The following TRIM5 variants were observed in gnomAD, a reference collection of about 807,000 sequenced individuals.
TRIM5 encodes the protein tripartite motif containing 5.
A neutral mutation model predicts 35.6 loss-of-function variants in TRIM5; 31 were observed. That is an observed-to-expected ratio of 0.87 (90% CI 0.65 to 1.18). TRIM5 has a LOEUF of 1.18. Ranked by LOEUF, TRIM5 falls within the 50% of genes most tolerant of loss-of-function variation. The pLI is 0.00. For missense variants in TRIM5, 609 were observed against 591.6 expected (o/e 1.03, Z -0.31); for synonymous variants, 243 against 215.6 (o/e 1.13, Z -1.11).
chr11:5,612,744 A>G, the TRIM5 span: 1 of 152,206 alleles, frequency 6.6e-6, no homozygotes. Flanking sequence ...GCTGTCCCAT[A>G]TGGTATCCAG....
chr11:5,650,640 C>T, the TRIM5 span, among the ~76,000 whole-genome samples: 1 of 152,158 alleles, frequency 6.6e-6, no homozygotes, highest in Non-Finnish European at 1.5e-5. Context: ...TGTTTTAGGG[C>T]CTGCTTATGG....
the TRIM5 span, among the ~76,000 whole-genome samples, chr11:5,614,152 A>G: frequency 1.3e-5 from 2 of 152,228 alleles, no homozygotes; most frequent in Non-Finnish European, 2.9e-5. Context: ...CTCAACTACT[A>G]TGAAAAAGAA....
the TRIM5 span, chr11:5,642,642 A>G: frequency 7.2e-7 from 1 of 1,390,002 alleles, no homozygotes; most frequent in Non-Finnish European, 9.7e-7. Flanking sequence ...TCTGTGGTGA[A>G]GAGGATGCAT....
chr11:5,676,635 G>T (rs557501384), intron 4 of TRIM5, among the ~76,000 whole-genome samples: 3 of 150,656 alleles, frequency 2.0e-5, no homozygotes, highest in Admixed American at 6.6e-5. Context: ...AAAAGAGCCC[G>T]CATCACCAAG....
rs1850986961 is a variant in TRIM5, at chr11:5,664,643, T to C, written c.*166A>G. The C allele has an allele frequency of 3.6e-6, 5 of 1,372,080 alleles. No homozygotes were observed. In the South Asian group the frequency reaches 6.1e-5, roughly 17 times the overall value. The allele number at this position is 1,372,080 out of a possible 1,614,324, so 85.0% of individuals were successfully genotyped here. On this transcript the variant is annotated 3_prime_UTR_variant, in exon 8 of 8. Coordinates refer to ENST00000380034, the MANE Select transcript of TRIM5 (RefSeq NM_033034.3). ...TGTCAATAAAATATTGGGGACAATATGGCACAAGGCAATTATTACATTTTA... is the reference window on the plus strand; with the variant it reads ...TGTCAATAAAATATTGGGGACAATACGGCACAAGGCAATTATTACATTTTA...
At chr11:5,630,852 T>C in the TRIM5 span, among the ~76,000 whole-genome samples, 1 of 152,240 alleles carries the variant, frequency 6.6e-6, no homozygotes, top group African/African-American at 2.4e-5. Flanking sequence ...ATACCATCTG[T>C]TCATTACTCA....
At chr11:5,639,706 AAG>A in the TRIM5 span, among the ~76,000 whole-genome samples, 4 of 144,254 alleles carry the variant, frequency 2.8e-5, no homozygotes, top group African/African-American at 1.1e-4. Context: ...AAAAAAAAAA[AAG>A]ATTGGAAGAG....
chr11:5,644,038 G>A, the TRIM5 span: 1 of 434,792 alleles, frequency 2.3e-6, no homozygotes, highest in South Asian at 8.6e-5. Flanking sequence ...ATGCTACCTA[G>A]GTAGTCCATA....
At chr11:5,657,633 ATATAT>A in the TRIM5 span, among the ~76,000 whole-genome samples, 2 of 124,800 alleles carry the variant, frequency 1.6e-5, no homozygotes, top group East Asian at 4.3e-4. Flanking sequence ...AATGCATTAT[ATATAT>A]TATTTATATA....
chr11:5,665,961 G>T lies in TRIM5; in HGVS notation c.868+20C>A. Reference sequence around the variant, plus strand: ...ACCACTTGAATTCCATAACCCTGTTGTTGATCTAGCTCTCCTCACCTCTAA... The same window carrying T: ...ACCACTTGAATTCCATAACCCTGTTTTTGATCTAGCTCTCCTCACCTCTAA... On this transcript the variant is annotated intron_variant, in intron 6 of 7. Coordinates refer to ENST00000380034, the MANE Select transcript of TRIM5 (RefSeq NM_033034.3). The T allele has an allele frequency of 6.3e-7, 1 of 1,592,392 alleles. No individual in the cohort carries two copies. The highest frequency in any genetic ancestry group is 8.5e-7 in the Non-Finnish European group (1 of 1,171,070).
At chr11:5,622,702 C>T in the TRIM5 span, among the ~76,000 whole-genome samples, 1 of 152,170 alleles carries the variant, frequency 6.6e-6, no homozygotes, top group African/African-American at 2.4e-5. Context: ...GTCATCCACA[C>T]AGAACTGATG....
chr11:5,671,035 G>A (rs1174902185), intron 4 of TRIM5, among the ~76,000 whole-genome samples: 1 of 152,052 alleles, frequency 6.6e-6, no homozygotes, highest in Non-Finnish European at 1.5e-5. Flanking sequence ...AGACCAGCCT[G>A]GGCAACATGG....
At chr11:5,622,840 G>T in the TRIM5 span, among the ~76,000 whole-genome samples, 2 of 152,166 alleles carry the variant, frequency 1.3e-5, no homozygotes, top group African/African-American at 4.8e-5. Context: ...CAAGGTTAAG[G>T]ATGCACCCAT....
rs760322428 is a variant in TRIM5 at position 5,679,088 on chromosome 11, T to A, written c.499A>T (p.Lys167Ter). 18 of 1,613,918 alleles carry A rather than the reference T, an allele frequency of 1.1e-5. No homozygotes were observed. The Middle Eastern group carries it at 8.2e-4, about 74-fold the overall frequency. ...EELEADIREE[K>*]ASWKTQIQYD... is the part of the protein sequence containing the mutation. ...CATCCTCTTGCCTTCCAGGAAGCTT[T>A]CTCTTCTCTGATGTCAGCTTCTAAC... is the stretch of plus-strand genomic sequence containing the variant. The change falls in exon 3 of 8, where the codon AAA (lysine) becomes TAA (stop). Residue 167 changes from lysine to a stop codon, truncating the protein, a stop_gained. Transcript: ENST00000380034. LOFTEE classifies it high-confidence loss of function.
downstream of TRIM5, among the ~76,000 whole-genome samples, chr11:5,661,044 A>T: frequency 1.6e-4 from 1 of 6,298 alleles, no homozygotes; most frequent in East Asian, 5.5e-3. Context: ...TCCGTCTCAA[A>T]AAAAAAAAAA....
At chr11:5,631,738 C>A in the TRIM5 span, among the ~76,000 whole-genome samples, 1 of 152,122 alleles carries the variant, frequency 6.6e-6, no homozygotes, top group African/African-American at 2.4e-5. Flanking sequence ...AAGTTTTAGT[C>A]ATCTGTGGAG....
the TRIM5 span, chr11:5,643,558 A>G: frequency 6.2e-7 from 1 of 1,614,194 alleles, no homozygotes. Context: ...TTCCTCGACT[A>G]TGAAGCAGGC....
At chr11:5,673,012 C>T (rs1177004858) in intron 4 of TRIM5, among the ~76,000 whole-genome samples, 1 of 151,898 alleles carries the variant, frequency 6.6e-6, no homozygotes, top group Non-Finnish European at 1.5e-5. Context: ...CAGAAAATAA[C>T]AACATCAAAA....
At chr11:5,654,978 G>C in the TRIM5 span, among the ~76,000 whole-genome samples, 3 of 152,086 alleles carry the variant, frequency 2.0e-5, no homozygotes, top group African/African-American at 7.2e-5. Context: ...ATCACCTGAG[G>C]TCAGGAGTTC....
Sources: allele counts gnomAD v4.1 joint callset (sites outside exome capture counted in the v4.1 genomes callset), GRCh38; gene constraint gnomAD v4.1.1; transcripts MANE v1.5; gene names NCBI Gene and HGNC (gene_info 2026-07-23, HGNC 2026-07-21).